Variants in ARL15 observed in about 807,000 individuals in gnomAD.
ARL15 encodes ARF like GTPase 15.
ARL15 carries 19 observed loss-of-function variants against 25.2 expected under a neutral mutation model. The observed-to-expected ratio is 0.75, with a 90% confidence interval of 0.53 to 1.10. The LOEUF is 1.10. Ranked by LOEUF, ARL15 falls within the 50% of genes least tolerant of loss-of-function variation. ARL15 has a pLI of 0.00. For synonymous variants in ARL15, 94 were observed against 86.8 expected (o/e 1.08, Z -0.46); for missense variants, 220 against 246.0 (o/e 0.89, Z 0.71).
Position 53,890,996 on chromosome 5 carries a change from A to G in ARL15, c.463-4283T>C, listed in dbSNP as rs570613052. 3.9e-5 allele frequency among the ~76,000 whole-genome samples: 6 copies of G among 152,294 alleles called. No homozygotes were observed. In the South Asian group the frequency reaches 1.2e-3, roughly 32 times the overall value. ...GGCAGTGATGCTCTCTGATTTCCCTATCTTGCCCTCACTTGAGATTCAAAA... is the reference window on the plus strand; with the variant it reads ...GGCAGTGATGCTCTCTGATTTCCCTGTCTTGCCCTCACTTGAGATTCAAAA... On this transcript the variant is annotated intron_variant, in intron 4 of 4. Coordinates refer to ENST00000504924, the MANE Select transcript of ARL15 (RefSeq NM_019087.3).
intron 1 of ARL15, among the ~76,000 whole-genome samples, chr5:54,305,404 A>G (rs1758731030): frequency 6.6e-6 from 1 of 152,004 alleles, no homozygotes; most frequent in African/African-American, 2.4e-5. Flanking sequence ...GGAGGCTGAG[A>G]CAGGAGAATC....
chr5:54,057,918 T>C (rs1313324070), intron 4 of ARL15, among the ~76,000 whole-genome samples: 2 of 152,020 alleles, frequency 1.3e-5, no homozygotes, highest in Non-Finnish European at 2.9e-5. Context: ...TGATAATATA[T>C]GAAGATCTCA....
chr5:53,969,879 C>T (rs553252788), intron 4 of ARL15, among the ~76,000 whole-genome samples: 28 of 152,124 alleles, frequency 1.8e-4, no homozygotes, highest in African/African-American at 4.1e-4. Context: ...GTGACAGGAA[C>T]GTGAGCTGGG....
At position 54,138,375 on chromosome 5, in the gene ARL15, G is replaced by A. The variant is rs188707587; in HGVS notation, c.253+16205C>T. ...AGAGAATGCAGAAATAAAGCTAAAC[G>A]CAACCAACTGACCTTTGGCAAAGCA... On this transcript the variant is annotated intron_variant, in intron 3 of 4. Transcript: ENST00000504924. Among the ~76,000 whole-genome samples, 245 of 152,184 alleles carry A rather than the reference G, an allele frequency of 1.6e-3. 1 individual carries two copies. Among genetic ancestry groups the A allele is most frequent in the Non-Finnish European group, 2.9e-3 (197 of 67,986 alleles).
In ARL15 at chr5:54,214,820, T is replaced by C. The variant is rs943906145; in HGVS notation, c.49-42892A>G. 1.3e-5 allele frequency among the ~76,000 whole-genome samples: 2 copies of C among 152,152 alleles called. 1 individual carries two copies. Among genetic ancestry groups the C allele is most frequent in the South Asian group, 4.1e-4 (2 of 4,828 alleles). On this transcript the variant is annotated intron_variant, in intron 1 of 4. Transcript: ENST00000504924. ...CTTGCAGGAACCTGTGACTCTTGCATAGCATAGTAGCTGTGACCCCACATT... is the reference window on the plus strand; with the variant it reads ...CTTGCAGGAACCTGTGACTCTTGCACAGCATAGTAGCTGTGACCCCACATT...
chr5:54,075,772 C>A (rs892054257), intron 4 of ARL15, among the ~76,000 whole-genome samples: 2 of 152,132 alleles, frequency 1.3e-5, no homozygotes, highest in African/African-American at 4.8e-5. Context: ...CAGGTGTGGG[C>A]CACTGCACCC....
Position 54,173,837 on chromosome 5 carries a change from C to A in ARL15, c.49-1909G>T, listed in dbSNP as rs543925064. Among the ~76,000 whole-genome samples, 3 of 152,192 alleles carry A rather than the reference C, an allele frequency of 2.0e-5. No individual in the cohort carries two copies. In the East Asian group the frequency reaches 5.8e-4, roughly 29 times the overall value. On this transcript the variant is annotated intron_variant, in intron 1 of 4. Coordinates refer to ENST00000504924, the MANE Select transcript of ARL15 (RefSeq NM_019087.3). Reference sequence around the variant, plus strand: ...CCATGATCTGCTCCAGCCAAGCTCACCAGCCTCATTGCCCTCACTCCCCTA... The same window carrying A: ...CCATGATCTGCTCCAGCCAAGCTCAACAGCCTCATTGCCCTCACTCCCCTA...
intron 1 of ARL15, among the ~76,000 whole-genome samples, chr5:54,239,481 G>T (rs1171786091): frequency 6.6e-6 from 1 of 152,166 alleles, no homozygotes; most frequent in South Asian, 2.1e-4. Flanking sequence ...TGGCATAAGG[G>T]AGTCTGTGTC....
At chr5:54,202,987 A>C (rs2112487211) in intron 1 of ARL15, among the ~76,000 whole-genome samples, 1 of 152,248 alleles carries the variant, frequency 6.6e-6, no homozygotes, top group African/African-American at 2.4e-5. Flanking sequence ...AGAAAAAGTT[A>C]ATGTAATTAT....
chr5:54,098,646 A>G (rs1210367854), intron 4 of ARL15, among the ~76,000 whole-genome samples: 1 of 152,222 alleles, frequency 6.6e-6, no homozygotes, highest in Non-Finnish European at 1.5e-5. Context: ...TGTTAAAAAC[A>G]CACAGGTCTG....
At chr5:54,146,447 T>G (rs1053753503) in intron 3 of ARL15, among the ~76,000 whole-genome samples, 1 of 152,212 alleles carries the variant, frequency 6.6e-6, no homozygotes, top group Non-Finnish European at 1.5e-5. Flanking sequence ...AAAAGTTAAG[T>G]GCGCCCTGCC....
At chr5:54,213,944 A>G (rs1756112300) in intron 1 of ARL15, among the ~76,000 whole-genome samples, 1 of 152,220 alleles carries the variant, frequency 6.6e-6, no homozygotes, top group Non-Finnish European at 1.5e-5. Flanking sequence ...TGTTTTTGCT[A>G]CAACTTATCA....
intron 1 of ARL15, among the ~76,000 whole-genome samples, chr5:54,187,567 G>A (rs2112448207): frequency 6.6e-6 from 1 of 152,328 alleles, no homozygotes; most frequent in African/African-American, 2.4e-5. Flanking sequence ...CTGAACCAAG[G>A]CAGGTGACAG....
intron 4 of ARL15, among the ~76,000 whole-genome samples, chr5:54,040,542 G>C (rs993452450): frequency 1.3e-5 from 2 of 152,024 alleles, no homozygotes; most frequent in Non-Finnish European, 2.9e-5. Context: ...GTATGAAAAA[G>C]GCATGAGAAA....
chr5:54,256,629 AAAAG>A (rs201202546), intron 1 of ARL15, among the ~76,000 whole-genome samples: 189 of 150,696 alleles, frequency 1.3e-3, no homozygotes, highest in African/African-American at 4.1e-3. Context: ...AAAAAAAAGA[AAAAG>A]AAAGAAAGAA....
In ARL15 at chr5:54,138,488, A is replaced by G. The variant is rs115135052; in HGVS notation, c.253+16092T>C. ...ACCAGATGTAGAAGAACAAAACTGG[A>G]TCCCTACCTCTCCACTTACACAAAA... On this transcript the variant is annotated intron_variant, in intron 3 of 4. Coordinates refer to ENST00000504924, the MANE Select transcript of ARL15 (RefSeq NM_019087.3). Among the ~76,000 whole-genome samples, 415 of 152,248 alleles carry G rather than the reference A, an allele frequency of 2.7e-3. 1 individual carries two copies. The highest frequency in any genetic ancestry group is 9.5e-3 in the African/African-American group (396 of 41,544).
intron 4 of ARL15, among the ~76,000 whole-genome samples, chr5:53,943,442 A>T (rs1051404675): frequency 6.6e-6 from 1 of 152,144 alleles, no homozygotes; most frequent in Non-Finnish European, 1.5e-5. Flanking sequence ...TTCCCAGAGA[A>T]GTGACCAGCT....
chr5:54,197,466 C>A (rs1213188441), intron 1 of ARL15, among the ~76,000 whole-genome samples: 1 of 152,168 alleles, frequency 6.6e-6, no homozygotes, highest in Non-Finnish European at 1.5e-5. Context: ...ACATTTCTTA[C>A]AAGCACTCTG....
intron 4 of ARL15, among the ~76,000 whole-genome samples, chr5:54,005,487 C>G (rs954955262): frequency 2.0e-5 from 3 of 151,974 alleles, no homozygotes; most frequent in Non-Finnish European, 4.4e-5. Context: ...TTTGGGAGGC[C>G]AAGGCGGGTG....
Sources: gnomAD v4.1 joint callset for allele counts (sites outside exome capture counted in the v4.1 genomes callset) on GRCh38, gnomAD v4.1.1 for gene constraint, MANE v1.5 for transcripts, NCBI Gene and HGNC (gene_info 2026-07-23, HGNC 2026-07-21) for gene names.